Variants in CHRM3 observed in about 807,000 individuals in gnomAD.
CHRM3 encodes the protein cholinergic receptor muscarinic 3.
Under a neutral mutation model 41.8 loss-of-function variants are expected in CHRM3, and 11 were observed. The observed-to-expected ratio is 0.26, with a 90% CI of 0.17 to 0.44. The LOEUF is 0.44. Among genes scored for constraint, CHRM3 ranks in the 20% least tolerant of loss-of-function variants. The pLI is 1.00. For synonymous variants in CHRM3, 297 were observed against 301.4 expected, an observed-to-expected ratio of 0.99 and a Z score of 0.15; for missense variants, 571 against 745.4, an observed-to-expected ratio of 0.77 and a Z score of 2.72.
At chr1:239,673,483 G>C (rs1321491214) in intron 4 of CHRM3, among the ~76,000 whole-genome samples, 1 of 151,922 alleles carries the variant, frequency 6.6e-6, no homozygotes, top group Non-Finnish European at 1.5e-5. Context: ...TATTGTATAT[G>C]CTGGAAACTA....
chr1:239,431,338 T>G (rs750414625), intron 1 of CHRM3, among the ~76,000 whole-genome samples: 1 of 152,216 alleles, frequency 6.6e-6, no homozygotes, highest in African/African-American at 2.4e-5. Flanking sequence ...GTTTTTCATT[T>G]GCAGGAAAAA....
At chr1:239,460,989 T>A (rs1665312925) in intron 1 of CHRM3, among the ~76,000 whole-genome samples, 2 of 152,316 alleles carry the variant, frequency 1.3e-5, no homozygotes. Flanking sequence ...TGGACTTTCT[T>A]AAAATGGCCT....
At chr1:239,404,468 A>AAGAAAGAAAGAAAGAAAGAAAGAG (rs397954107) in intron 1 of CHRM3, among the ~76,000 whole-genome samples, 2 of 90,366 alleles carry the variant, frequency 2.2e-5, no homozygotes, top group East Asian at 3.3e-4. Context: ...GAAAGAAAGA[A>AAGAAAGAAAGAAAGAAAGAAAGAG]AAAGAAAGAA....
At chr1:239,474,313 TTTTGCCTCATAACTTGTAAG>T (rs1666325711) in intron 1 of CHRM3, among the ~76,000 whole-genome samples, 1 of 152,118 alleles carries the variant, frequency 6.6e-6, no homozygotes, top group Non-Finnish European at 1.5e-5. Flanking sequence ...TTGGTAGTTC[TTTTGCCTCATAACTTGTAAG>T]TTAGTATTGT....
At chr1:239,571,471 G>T (rs1003152870) in intron 3 of CHRM3, among the ~76,000 whole-genome samples, 2 of 152,162 alleles carry the variant, frequency 1.3e-5, no homozygotes, top group African/African-American at 4.8e-5. Context: ...AGCCCAGATT[G>T]TTTAGTGTAG....
intron 6 of CHRM3, among the ~76,000 whole-genome samples, chr1:239,828,419 CAAT>C (rs1408691409): frequency 1.3e-5 from 2 of 151,988 alleles, no homozygotes; most frequent in East Asian, 3.9e-4. Context: ...TATACACACA[CAAT>C]GTTGTGGGAC....
At chr1:239,535,921 G>A (rs1030216082) in intron 2 of CHRM3, among the ~76,000 whole-genome samples, 3 of 152,090 alleles carry the variant, frequency 2.0e-5, no homozygotes, top group Non-Finnish European at 4.4e-5. Flanking sequence ...AAGGCAGCCC[G>A]GTCTGGAATG....
intron 1 of CHRM3, among the ~76,000 whole-genome samples, chr1:239,461,797 CAT>C (rs933485147): frequency 1.3e-5 from 2 of 152,026 alleles, no homozygotes; most frequent in African/African-American, 4.8e-5. Flanking sequence ...AGGACGTCAG[CAT>C]ATTCCATCTC....
intron 5 of CHRM3, among the ~76,000 whole-genome samples, chr1:239,754,924 C>T (rs1298577248): frequency 1.3e-5 from 2 of 152,108 alleles, no homozygotes; most frequent in East Asian, 3.9e-4. Context: ...CAATCTAATT[C>T]TCATGTTAAG....
At chr1:239,691,973 A>G (rs1659760644) in intron 5 of CHRM3, among the ~76,000 whole-genome samples, 1 of 152,194 alleles carries the variant, frequency 6.6e-6, no homozygotes, top group Admixed American at 6.5e-5. Flanking sequence ...CCAGGGGATG[A>G]TCTCAAAATG....
chr1:239,540,518 G>A (rs565125618), intron 2 of CHRM3, among the ~76,000 whole-genome samples: 1 of 152,286 alleles, frequency 6.6e-6, no homozygotes, highest in South Asian at 2.1e-4. Flanking sequence ...CAAATGTGGA[G>A]AAAGTCTGGG....
chr1:239,894,575 GGT>G (rs1319875320), intron 6 of CHRM3, among the ~76,000 whole-genome samples: 1 of 152,124 alleles, frequency 6.6e-6, no homozygotes, highest in Non-Finnish European at 1.5e-5. Context: ...TGGCATTACA[GGT>G]GTGTGCCACC....
chr1:239,522,192 G>T (rs1283856699), intron 2 of CHRM3, among the ~76,000 whole-genome samples: 1 of 152,154 alleles, frequency 6.6e-6, no homozygotes, highest in Non-Finnish European at 1.5e-5. Flanking sequence ...TGTCACAAAA[G>T]CCTTTGTGCC....
intron 6 of CHRM3, among the ~76,000 whole-genome samples, chr1:239,836,929 A>G (rs1227146796): frequency 6.6e-6 from 1 of 151,432 alleles, no homozygotes; most frequent in Non-Finnish European, 1.5e-5. Flanking sequence ...GAGCCGAGAT[A>G]GCACCACTGC....
At chr1:239,651,132 C>T (rs916495132) in intron 4 of CHRM3, among the ~76,000 whole-genome samples, 3 of 152,028 alleles carry the variant, frequency 2.0e-5, no homozygotes, top group African/African-American at 4.8e-5. Context: ...GTGTAACTTA[C>T]GTTGGAGATC....
At chr1:239,634,964 T>C (rs143620228) in intron 4 of CHRM3, among the ~76,000 whole-genome samples, 306 of 152,370 alleles carry the variant, frequency 2.0e-3, no homozygotes, top group African/African-American at 6.8e-3. Context: ...AAATAATAGC[T>C]TACCTCCTTG....
chr1:239,760,041 A>G (rs1413169581), intron 5 of CHRM3, among the ~76,000 whole-genome samples: 2 of 151,118 alleles, frequency 1.3e-5, no homozygotes, highest in Non-Finnish European at 2.9e-5. Context: ...CAGCCTCCCG[A>G]GTAGCTGGGA....
At chr1:239,746,444 T>A (rs530812925) in intron 5 of CHRM3, among the ~76,000 whole-genome samples, 1 of 152,346 alleles carries the variant, frequency 6.6e-6, no homozygotes, top group East Asian at 1.9e-4. Context: ...TCCAAAGTGA[T>A]TGTTATTTCC....
chr1:239,488,583 C>T (rs991298878), intron 1 of CHRM3, among the ~76,000 whole-genome samples: 2 of 151,586 alleles, frequency 1.3e-5, no homozygotes, highest in Admixed American at 1.3e-4. Flanking sequence ...TGTGTGGTGG[C>T]AGGCGCCTGT....
Sources: gnomAD v4.1 joint callset for allele counts (sites outside exome capture counted in the v4.1 genomes callset) on GRCh38, gnomAD v4.1.1 for gene constraint, MANE v1.5 for transcripts, NCBI Gene and HGNC (gene_info 2026-07-23, HGNC 2026-07-21) for gene names.